Variants in PLCL1 observed in about 807,000 individuals in gnomAD.
PLCL1 encodes the protein phospholipase C like 1 (inactive).
In PLCL1, 41 loss-of-function variants were observed where a neutral mutation model predicts 84.4. The observed-to-expected ratio is 0.49, with a 90% CI of 0.38 to 0.63. PLCL1 has a LOEUF of 0.63. Among genes scored for constraint, PLCL1 ranks in the 30% least tolerant of loss-of-function variants. The pLI, the probability that PLCL1 is intolerant of heterozygous loss-of-function variation, is 0.00. For missense variants in PLCL1, 1,206 were observed against 1,367.8 expected, an observed-to-expected ratio of 0.88 and a Z score of 1.87; for synonymous variants, 490 against 488.3, an observed-to-expected ratio of 1.00 and a Z score of -0.05.
chr2:197,892,141 G>A lies in PLCL1; in HGVS notation c.240+86802G>A, dbSNP rs541103580. ...TTTACTATGTGAAAGCTTCAATGCA[G>A]AGCCAACCAATACATACATAACTCA... On this transcript the variant is annotated intron_variant, in intron 1 of 5. Transcript: ENST00000428675. Among the ~76,000 whole-genome samples the A allele has an allele frequency of 5.3e-5, 8 of 152,236 alleles. No individual in the cohort carries two copies. The South Asian group carries it at 1.7e-3, about 32-fold the overall frequency.
intron 1 of PLCL1, among the ~76,000 whole-genome samples, chr2:197,866,646 C>T (rs1477626989): frequency 6.6e-6 from 1 of 152,124 alleles, no homozygotes; most frequent in Non-Finnish European, 1.5e-5. Context: ...CATATAAATA[C>T]TCCAGCTCCC....
intron 5 of PLCL1, among the ~76,000 whole-genome samples, chr2:198,104,362 G>A (rs1693418827): frequency 6.6e-6 from 1 of 152,010 alleles, no homozygotes; most frequent in South Asian, 2.1e-4. Flanking sequence ...TGCTGCAAAG[G>A]ACATGATCTT....
At chr2:198,027,759 G>T (rs1387155452) in intron 1 of PLCL1, among the ~76,000 whole-genome samples, 1 of 152,122 alleles carries the variant, frequency 6.6e-6, no homozygotes, top group African/African-American at 2.4e-5. Flanking sequence ...CTTTAGTATG[G>T]TTATGTAAAG....
chr2:198,131,236 T>G (rs898715647), intron 5 of PLCL1, among the ~76,000 whole-genome samples: 1 of 152,186 alleles, frequency 6.6e-6, no homozygotes, highest in East Asian at 1.9e-4. Context: ...CATGGGGCAC[T>G]GTTATCTGTA....
At chr2:197,827,106 A>T (rs1479529818) in intron 1 of PLCL1, among the ~76,000 whole-genome samples, 1 of 152,116 alleles carries the variant, frequency 6.6e-6, no homozygotes, top group African/African-American at 2.4e-5. Flanking sequence ...GCCTCCAGCC[A>T]TTTTCTTTTG....
intron 1 of PLCL1, among the ~76,000 whole-genome samples, chr2:198,083,204 T>C (rs1256106920): frequency 6.6e-6 from 1 of 152,226 alleles, no homozygotes; most frequent in East Asian, 1.9e-4. Flanking sequence ...ATGAGAGTGA[T>C]TGGCTATTGT....
chr2:197,951,497 A>C (rs980387157), intron 1 of PLCL1, among the ~76,000 whole-genome samples: 1 of 152,130 alleles, frequency 6.6e-6, no homozygotes, highest in Non-Finnish European at 1.5e-5. Flanking sequence ...AATTTATAAG[A>C]GGTGAAACCC....
rs1694514597 is a variant in PLCL1 at position 198,146,296 on chromosome 2, G to A, written c.3106-484G>A. Among the ~76,000 whole-genome samples the A allele has an allele frequency of 1.3e-5, 2 of 152,112 alleles. 1 individual carries two copies. The highest frequency in any genetic ancestry group is 4.2e-4 in the South Asian group (2 of 4,814). ...AGTATATTAAAAACCAGCTCACCAAGCATAAGGGTATGTGACTTACTTTAC... is the reference window on the plus strand; with the variant it reads ...AGTATATTAAAAACCAGCTCACCAAACATAAGGGTATGTGACTTACTTTAC... On this transcript the variant is annotated intron_variant, in intron 5 of 5. Coordinates refer to ENST00000428675, the MANE Select transcript of PLCL1 (RefSeq NM_006226.4).
intron 1 of PLCL1, among the ~76,000 whole-genome samples, chr2:197,835,729 G>GA (rs781731365): frequency 6.6e-6 from 1 of 152,184 alleles, no homozygotes; most frequent in Non-Finnish European, 1.5e-5. Context: ...AATTACATGA[G>GA]ACAACGTATG....
At chr2:197,824,892 G>A (rs1316385926) in intron 1 of PLCL1, among the ~76,000 whole-genome samples, 1 of 152,040 alleles carries the variant, frequency 6.6e-6, no homozygotes, top group East Asian at 1.9e-4. Context: ...AATAAGTAAT[G>A]ACTGGTCTTA....
intron 1 of PLCL1, among the ~76,000 whole-genome samples, chr2:197,943,482 CAT>C (rs575265198): frequency 2.0e-4 from 31 of 152,186 alleles, no homozygotes; most frequent in Middle Eastern, 3.4e-3. Context: ...TTTACCTCCT[CAT>C]GTGAAAATAA....
At chr2:197,866,091 CTATA>C (rs1188554734) in intron 1 of PLCL1, among the ~76,000 whole-genome samples, 1 of 20,638 alleles carries the variant, frequency 4.8e-5, no homozygotes, top group Non-Finnish European at 7.5e-5. Flanking sequence ...TATATATAAA[CTATA>C]TATATATATA....
chr2:197,813,188 C>T (rs1467367340), intron 1 of PLCL1, among the ~76,000 whole-genome samples: 1 of 152,188 alleles, frequency 6.6e-6, no homozygotes, highest in Non-Finnish European at 1.5e-5. Flanking sequence ...GGCCCTGCTC[C>T]CCTACAGGTC....
chr2:197,975,121 C>G (rs1040478342), intron 1 of PLCL1, among the ~76,000 whole-genome samples: 1 of 126,030 alleles, frequency 7.9e-6, no homozygotes, highest in Non-Finnish European at 1.6e-5. Flanking sequence ...GCAGTCCGGC[C>G]TGGGCGACAG....
chr2:197,856,602 G>A (rs1687334279), intron 1 of PLCL1, among the ~76,000 whole-genome samples: 1 of 152,116 alleles, frequency 6.6e-6, no homozygotes, highest in Non-Finnish European at 1.5e-5. Flanking sequence ...GGAAGAATCA[G>A]TTGGAATTTT....
intron 1 of PLCL1, among the ~76,000 whole-genome samples, chr2:197,968,454 A>T (rs1027730400): frequency 2.0e-5 from 3 of 152,232 alleles, no homozygotes; most frequent in African/African-American, 7.2e-5. Flanking sequence ...AATGATAATA[A>T]CAAAAGTATT....
chr2:197,962,411 C>T (rs1689640325), intron 1 of PLCL1, among the ~76,000 whole-genome samples: 1 of 152,048 alleles, frequency 6.6e-6, no homozygotes. Context: ...TCATCCATCA[C>T]TGTGTGGTAA....
At chr2:198,033,137 A>G (rs1220484870) in intron 1 of PLCL1, among the ~76,000 whole-genome samples, 2 of 152,214 alleles carry the variant, frequency 1.3e-5, no homozygotes, top group East Asian at 3.8e-4. Flanking sequence ...AATAATTTTA[A>G]TGATGAATTT....
chr2:197,854,574 C>T, intron 1 of PLCL1, among the ~76,000 whole-genome samples: 1 of 152,026 alleles, frequency 6.6e-6, no homozygotes, highest in East Asian at 1.9e-4. Flanking sequence ...TTTCTGGATG[C>T]CATAATTTAT....
Sources: gnomAD v4.1 joint callset for allele counts (sites outside exome capture counted in the v4.1 genomes callset) on GRCh38, gnomAD v4.1.1 for gene constraint, MANE v1.5 for transcripts, NCBI Gene and HGNC (gene_info 2026-07-23, HGNC 2026-07-21) for gene names.